CAST: variants seen among roughly 807,000 people sequenced by gnomAD.
CAST encodes calpastatin, also known as MIR583 host.
In CAST, 76 loss-of-function variants were observed where a neutral mutation model predicts 119.6. The observed-to-expected ratio is 0.64, with a 90% CI of 0.53 to 0.77. The LOEUF is 0.77. Ranked by LOEUF, CAST falls within the 30% of genes least tolerant of loss-of-function variation. CAST has a pLI of 0.00. For synonymous variants in CAST, 319 were observed against 331.6 expected, an observed-to-expected ratio of 0.96 and a Z score of 0.41; for missense variants, 953 against 946.5, an observed-to-expected ratio of 1.01 and a Z score of -0.09.
At chr5:96,167,696 AT>A in the CAST span, among the ~76,000 whole-genome samples, 1 of 152,182 alleles carries the variant, frequency 6.6e-6, no homozygotes, top group Non-Finnish European at 1.5e-5. Context: ...AAACTGAGGA[AT>A]TCTGTCTGAC....
chr5:96,080,485 A>G, the CAST span, among the ~76,000 whole-genome samples: 59 of 152,336 alleles, frequency 3.9e-4, no homozygotes, highest in Non-Finnish European at 3.4e-4. Context: ...GACCATAGGT[A>G]TAAGTGAAAG....
At chr5:96,363,584 T>C in the CAST span, among the ~76,000 whole-genome samples, 2 of 152,156 alleles carry the variant, frequency 1.3e-5, no homozygotes, top group African/African-American at 2.4e-5. Context: ...GGTATTTTAT[T>C]CTCTTTGAAG....
At position 96,773,653 on chromosome 5, in the gene CAST, A is replaced by G. The variant is rs1773244086; in HGVS notation, c.*1037A>G. On this transcript the variant is annotated 3_prime_UTR_variant, in exon 32 of 32. Coordinates refer to ENST00000675179, the MANE Select transcript of CAST (RefSeq NM_001750.7). The stretch of plus-strand genomic sequence containing the variant: ...TGCATTTCTCCCACAGCAATGTAAG[A>G]AGTAGGCTCTGATGTCCTACCACTT... 6.6e-6 allele frequency: 1 copy of G among 152,212 alleles called. No homozygotes were observed. The highest frequency in any genetic ancestry group is 2.1e-4 in the South Asian group (1 of 4,836). The allele number at this position is 152,212 out of a possible 1,614,324, so 9.4% of individuals were successfully genotyped here.
chr5:96,157,092 TA>T, the CAST span, among the ~76,000 whole-genome samples: 1 of 152,262 alleles, frequency 6.6e-6, no homozygotes, highest in African/African-American at 2.4e-5. Flanking sequence ...GTCTTAGGTT[TA>T]TTTTTTTTCT....
At chr5:96,565,965 C>A (rs1580827401) in intron 1 of CAST, among the ~76,000 whole-genome samples, 1 of 152,160 alleles carries the variant, frequency 6.6e-6, no homozygotes, top group South Asian at 2.1e-4. Context: ...GAGGTGGGAG[C>A]ACAATTTATC....
At chr5:96,185,991 GT>G in the CAST span, among the ~76,000 whole-genome samples, 3 of 152,064 alleles carry the variant, frequency 2.0e-5, no homozygotes, top group African/African-American at 7.2e-5. Context: ...AGCATGAAAT[GT>G]TTCTTCATTT....
At chr5:96,762,419 C>T (rs1369340245) in intron 25 of CAST, 47 bp downstream of exon 25, 1 of 1,375,386 alleles carries the variant, frequency 7.3e-7, no homozygotes, top group Non-Finnish European at 9.9e-7. Flanking sequence ...TGCGCAGCCA[C>T]AACTAGAAAG....
At chr5:96,768,092 G>T in intron 29 of CAST, 93 bp downstream of exon 29, 1 of 856,368 alleles carries the variant, frequency 1.2e-6, no homozygotes, top group Non-Finnish European at 2.0e-6. Flanking sequence ...TCTATCTATC[G>T]GTCTGTCTTG....
At position 96,762,999 on chromosome 5, in the gene CAST, T is replaced by G. The variant is rs1432307755; in HGVS notation, c.1932+627T>G. 3 of 637,014 alleles carry G rather than the reference T, an allele frequency of 4.7e-6. No homozygotes were observed. In the African/African-American group the frequency reaches 5.4e-5, roughly 12 times the overall value. The allele number at this position is 637,014 out of a possible 1,614,324, so 39.5% of individuals were successfully genotyped here. On this transcript the variant is annotated intron_variant, in intron 25 of 31. Transcript: ENST00000675179. ...ACTAATCACCTGTGCAATACCAAAT[T>G]ATACATTACCAAGGAGACCACAGCA...
chr5:95,981,750 C>T, the CAST span, among the ~76,000 whole-genome samples: 1 of 152,148 alleles, frequency 6.6e-6, no homozygotes, highest in Non-Finnish European at 1.5e-5. Flanking sequence ...TGGCATGCGC[C>T]GGTAGTCCCA....
chr5:96,620,833 A>T (rs1747588946), intron 1 of CAST, among the ~76,000 whole-genome samples: 1 of 152,208 alleles, frequency 6.6e-6, no homozygotes, highest in Non-Finnish European at 1.5e-5. Context: ...TCTTTCTTCA[A>T]AGAAAAAGCG....
the CAST span, among the ~76,000 whole-genome samples, chr5:96,191,895 A>G: frequency 6.6e-6 from 1 of 152,238 alleles, no homozygotes; most frequent in Non-Finnish European, 1.5e-5. Context: ...TAAAAAATAA[A>G]GATATTTTAA....
chr5:95,988,698 T>C, the CAST span, among the ~76,000 whole-genome samples: 1 of 152,166 alleles, frequency 6.6e-6, no homozygotes, highest in Non-Finnish European at 1.5e-5. Context: ...TAAGTCTCAG[T>C]CTTTCCATTT....
At chr5:96,659,255 G>A (rs1424726856), upstream of CAST, among the ~76,000 whole-genome samples, 2 of 152,146 alleles carry the variant, frequency 1.3e-5, no homozygotes, top group Admixed American at 6.5e-5. Flanking sequence ...ACATGCTGTT[G>A]GAAAAATGGT....
chr5:96,702,859 G>C (rs1341714178), intron 3 of CAST: 6 of 985,416 alleles, frequency 6.1e-6, no homozygotes, highest in Non-Finnish European at 7.2e-6. Context: ...GCCCAGCTAG[G>C]AATGCAGACC....
chr5:96,553,246 G>T (rs1216081084), intron 1 of CAST, among the ~76,000 whole-genome samples: 1 of 152,202 alleles, frequency 6.6e-6, no homozygotes. Flanking sequence ...GGGATGCAAG[G>T]CTGGTTCAAC....
the CAST span, among the ~76,000 whole-genome samples, chr5:96,077,819 G>A: frequency 3.6e-4 from 55 of 152,242 alleles, no homozygotes; most frequent in African/African-American, 1.0e-3. Flanking sequence ...AGAACCATAA[G>A]CCAAATAAAC....
Position 96,596,967 on chromosome 5 carries a change from T to C in CAST, c.60+67087T>C, listed in dbSNP as rs368017199. ...TCTTTTTATATGGACACCGGTTCTA[T>C]CAGATTAGGGTCCAACCTCTATGAC... On this transcript the variant is annotated intron_variant, in intron 1 of 11. Coordinates refer to the CAST transcript ENST00000505143. Among the ~76,000 whole-genome samples the C allele has an allele frequency of 7.7e-4, 117 of 152,308 alleles. 1 individual carries two copies. The South Asian group carries it at 0.024, about 31-fold the overall frequency.
chr5:96,355,218 C>A, the CAST span, among the ~76,000 whole-genome samples: 4 of 118,928 alleles, frequency 3.4e-5, no homozygotes, highest in African/African-American at 1.3e-4. Flanking sequence ...GTGTGATGTT[C>A]CCCTCCCTGT....
Sources: gnomAD v4.1 joint callset for allele counts (sites outside exome capture counted in the v4.1 genomes callset) on GRCh38, gnomAD v4.1.1 for gene constraint, MANE v1.5 for transcripts, NCBI Gene and HGNC (gene_info 2026-07-23, HGNC 2026-07-21) for gene names.